The following OVCH1 variants were observed in gnomAD, a reference collection of about 807,000 sequenced individuals.
OVCH1 encodes the protein ovochymase 1, also known as ovochymase-1.
OVCH1 carries 139 observed loss-of-function variants against 138.4 expected under a neutral mutation model. The ratio of observed to expected loss-of-function variants is 1.00; its 90% CI spans 0.87 to 1.16. The LOEUF (loss-of-function observed/expected upper bound fraction) is 1.16, where lower values mean the gene tolerates loss of function less well. Ranked by LOEUF, OVCH1 falls within the 50% of genes most tolerant of loss-of-function variation. The pLI is 0.00. For synonymous variants in OVCH1, 453 were observed against 467.8 expected (o/e 0.97, Z 0.41); for missense variants, 1,367 against 1,357.9 (o/e 1.01, Z -0.11).
At chr12:29,474,055 TAATA>T (rs1942609697) in intron 14 of OVCH1, among the ~76,000 whole-genome samples, 1 of 129,978 alleles carries the variant, frequency 7.7e-6, no homozygotes, top group Non-Finnish European at 1.7e-5. Flanking sequence ...AGTTAATACT[TAATA>T]AACACACACA....
chr12:29,427,762 G>T (rs1292586988), intron 27 of OVCH1: 9 of 1,388,584 alleles, frequency 6.5e-6, no homozygotes, highest in South Asian at 3.0e-5. Context: ...AGCAACAGGG[G>T]TCTATATTCA....
At chr12:29,433,171 TG>T (rs959545876) in intron 27 of OVCH1, among the ~76,000 whole-genome samples, 8 of 152,326 alleles carry the variant, frequency 5.3e-5, no homozygotes, top group African/African-American at 1.9e-4. Flanking sequence ...ATAACTGATA[TG>T]GTTTTGCTGT....
chr12:29,470,264 C>T (rs565513392), intron 16 of OVCH1, among the ~76,000 whole-genome samples: 1 of 152,202 alleles, frequency 6.6e-6, no homozygotes, highest in South Asian at 2.1e-4. Context: ...TGTGCAGAAT[C>T]TGCAGGTTTG....
chr12:29,410,508 G>A (rs1372582884), downstream of OVCH1, among the ~76,000 whole-genome samples: 1 of 125,350 alleles, frequency 8.0e-6, no homozygotes, highest in African/African-American at 2.5e-5. Flanking sequence ...AGGGCTGGTG[G>A]TGACAAAATC....
Position 29,475,066 on chromosome 12 carries a change from G to A in OVCH1, c.1595C>T (p.Pro532Leu), listed in dbSNP as rs1219518404. 9 of 1,584,330 alleles carry A rather than the reference G, an allele frequency of 5.7e-6. No individual in the cohort carries two copies. In the Admixed American group the frequency reaches 1.6e-4, roughly 28 times the overall value. ...ACACAAATGTTTATACTCACCTGAG[G>A]GCAAAATGGTAAATCTGGCCTTGAA... The change falls in exon 14 of 28, where the codon CCC becomes CTC. Residue 532 changes from proline (P) to leucine (L), a missense_variant. By Grantham distance (98) the Pro-to-Leu change is moderately conservative. Transcript: ENST00000318184.
the OVCH1 span, among the ~76,000 whole-genome samples, chr12:29,405,021 C>CAAAAAAAAAAAAAAAAAAAAAA: frequency 5.0e-5 from 4 of 80,440 alleles, no homozygotes; most frequent in African/African-American, 7.0e-5. Context: ...CACTCCACCT[C>CAAAAAAAAAAAAAAAAAAAAAA]AAAAAAAAAA....
chr12:29,471,937 C>T, exon 16 of OVCH1: 1 of 1,613,350 alleles, frequency 6.2e-7, no homozygotes, highest in East Asian at 2.2e-5. Flanking sequence ...TCCTGCGATT[C>T]TTCTGGAAAG....
chr12:29,405,089 C>T, the OVCH1 span, among the ~76,000 whole-genome samples: 8 of 130,576 alleles, frequency 6.1e-5, no homozygotes, highest in East Asian at 1.5e-3. Flanking sequence ...AGGTCAAAAA[C>T]CATTGAATAT....
downstream of OVCH1, chr12:29,423,095 G>T (rs1941127407): frequency 2.5e-6 from 1 of 392,514 alleles, no homozygotes; most frequent in Non-Finnish European, 5.0e-6. Context: ...TGCAGTATCT[G>T]CTTTAATAAA....
intron 22 of OVCH1, among the ~76,000 whole-genome samples, chr12:29,450,405 A>C (rs1453018917): frequency 6.6e-6 from 1 of 152,230 alleles, no homozygotes; most frequent in Non-Finnish European, 1.5e-5. Context: ...GCCAACAAAC[A>C]TTTGAAAAAA....
chr12:29,406,173 T>A, the OVCH1 span, among the ~76,000 whole-genome samples: 1 of 149,932 alleles, frequency 6.7e-6, no homozygotes, highest in African/African-American at 2.4e-5. Context: ...AGTAATTACA[T>A]AGAAATGAGA....
At chr12:29,447,667 G>C (rs1941655928) in intron 22 of OVCH1, among the ~76,000 whole-genome samples, 1 of 152,132 alleles carries the variant, frequency 6.6e-6, no homozygotes, top group African/African-American at 2.4e-5. Flanking sequence ...CAATGTAACA[G>C]ACAATGACTG....
At chr12:29,465,091 G>T in intron 17 of OVCH1, 56 bp downstream of exon 17, 1 of 1,425,266 alleles carries the variant, frequency 7.0e-7, no homozygotes, top group Non-Finnish European at 9.6e-7. Context: ...GGTATTCCTT[G>T]GCATGTGACA....
intron 22 of OVCH1, among the ~76,000 whole-genome samples, chr12:29,446,829 T>TA (rs1310857560): frequency 5.3e-5 from 8 of 152,054 alleles, no homozygotes; most frequent in Admixed American, 3.9e-4. Flanking sequence ...GTTTTTTTTT[T>TA]ATTAAAGATT....
Position 29,451,585 on chromosome 12 carries a change from C to T in OVCH1, c.2531-16G>A. Reference sequence around the variant, plus strand: ...GAGCAACAACCTGCAATTCAGAACACACAGACACCAGGGACCAACATAAAT... The same window carrying T: ...GAGCAACAACCTGCAATTCAGAACATACAGACACCAGGGACCAACATAAAT... On this transcript the variant is annotated splice_polypyrimidine_tract_variant and intron_variant, in intron 21 of 27. Coordinates refer to ENST00000318184, the Ensembl canonical transcript of OVCH1. 4.4e-6 allele frequency: 7 copies of T among 1,588,338 alleles called. No individual in the cohort carries two copies. The highest frequency in any genetic ancestry group is 6.0e-6 in the Non-Finnish European group (7 of 1,162,818).
chr12:29,488,016 C>T (rs1342679988), intron 6 of OVCH1, 134 bp from the exon 7 acceptor site: 2 of 820,014 alleles, frequency 2.4e-6, no homozygotes, highest in East Asian at 5.7e-5. Context: ...CATCGTCCAT[C>T]AGCTTTTTGT....
chr12:29,475,252 A>C (rs1056975791), intron 13 of OVCH1, 63 bp from the exon 14 acceptor site: 77 of 1,273,528 alleles, frequency 6.0e-5, no homozygotes, highest in Non-Finnish European at 7.7e-5. Context: ...AACACACAGT[A>C]AAATAATCAC....
intron 4 of OVCH1, among the ~76,000 whole-genome samples, chr12:29,494,394 C>A (rs753924090): frequency 6.6e-6 from 1 of 152,084 alleles, no homozygotes. Flanking sequence ...GTTTATATTA[C>A]CTGTGTTGAG....
At chr12:29,413,073 G>A (rs1940981771) in intron 3 of OVCH1, among the ~76,000 whole-genome samples, 1 of 150,644 alleles carries the variant, frequency 6.6e-6, no homozygotes, top group East Asian at 2.0e-4. Context: ...TTTTGCCTGA[G>A]CTGGTCTCAA....
Sources: allele counts gnomAD v4.1 joint callset (sites outside exome capture counted in the v4.1 genomes callset), GRCh38; gene constraint gnomAD v4.1.1; transcripts MANE v1.5; gene names NCBI Gene and HGNC (gene_info 2026-07-23, HGNC 2026-07-21).